The following SHROOM3 variants were observed in gnomAD, a reference collection of about 807,000 sequenced individuals.
The protein encoded by SHROOM3 is shroom family member 3.
SHROOM3 carries 47 observed loss-of-function variants against 138.6 expected under a neutral mutation model. The observed-to-expected ratio is 0.34, with a 90% CI of 0.27 to 0.43. The LOEUF (loss-of-function observed/expected upper bound fraction) is 0.43. Among genes scored for constraint, SHROOM3 ranks in the 20% least tolerant of loss-of-function variants. The pLI is 1.00. For missense variants in SHROOM3, 2,491 were observed against 2,596.5 expected (o/e 0.96, Z 0.88); for synonymous variants, 1,062 against 1,063.3 (o/e 1.00, Z 0.02).
chr4:76,480,657 C>A (rs778921747), intron 1 of SHROOM3, among the ~76,000 whole-genome samples: 10 of 152,172 alleles, frequency 6.6e-5, no homozygotes, highest in Admixed American at 2.0e-4. Context: ...ACAGAACTCT[C>A]CATCCCAAAT....
At chr4:76,610,168 A>C (rs1419962358) in intron 2 of SHROOM3, among the ~76,000 whole-genome samples, 1 of 152,244 alleles carries the variant, frequency 6.6e-6, no homozygotes, top group Admixed American at 6.5e-5. Context: ...TGTAAAACTA[A>C]AAGAGAAGAT....
intron 1 of SHROOM3, among the ~76,000 whole-genome samples, chr4:76,531,618 A>C (rs77326500): frequency 3.8e-4 from 58 of 152,308 alleles, no homozygotes; most frequent in Non-Finnish European, 7.3e-4. Context: ...TGGGGTTGCT[A>C]TAAGGAATAA....
At chr4:76,730,688 C>T in intron 3 of SHROOM3, 116 bp from the exon 4 acceptor site, 3 of 1,378,612 alleles carry the variant, frequency 2.2e-6, no homozygotes, top group South Asian at 2.4e-5. Flanking sequence ...GACTTGGTTG[C>T]TTTTCAATCT....
intron 1 of SHROOM3, among the ~76,000 whole-genome samples, chr4:76,469,009 G>T (rs1731308355): frequency 6.6e-6 from 1 of 151,040 alleles, no homozygotes; most frequent in Non-Finnish European, 1.5e-5. Context: ...ACTCCAGCCT[G>T]GGTGACAGAG....
intron 2 of SHROOM3, among the ~76,000 whole-genome samples, chr4:76,630,473 C>G (rs998000396): frequency 3.3e-5 from 5 of 151,870 alleles, no homozygotes; most frequent in Non-Finnish European, 7.3e-5. Context: ...GCATCCTGTA[C>G]AGTAAAAAGC....
chr4:76,723,869 A>C (rs1019152654), intron 3 of SHROOM3, among the ~76,000 whole-genome samples: 1 of 152,220 alleles, frequency 6.6e-6, no homozygotes, highest in African/African-American at 2.4e-5. Flanking sequence ...TTTTGAGTGA[A>C]TGAATGATGC....
intron 2 of SHROOM3, among the ~76,000 whole-genome samples, chr4:76,707,650 G>A (rs1720096101): frequency 1.3e-5 from 2 of 152,014 alleles, no homozygotes; most frequent in Non-Finnish European, 2.9e-5. Flanking sequence ...GTACAGGTAA[G>A]GTATTCAATG....
chr4:76,596,428 A>G (rs1734385799), intron 2 of SHROOM3, among the ~76,000 whole-genome samples: 1 of 152,128 alleles, frequency 6.6e-6, no homozygotes, highest in Admixed American at 6.5e-5. Context: ...GAAAAGCAAA[A>G]GATGTTGTGT....
At chr4:76,614,945 C>T (rs1734841864) in intron 2 of SHROOM3, among the ~76,000 whole-genome samples, 1 of 152,126 alleles carries the variant, frequency 6.6e-6, no homozygotes, top group Non-Finnish European at 1.5e-5. Flanking sequence ...TACAATAGGC[C>T]TTTGCCAATC....
At chr4:76,742,948 G>A (rs1721310590) in intron 5 of SHROOM3, among the ~76,000 whole-genome samples, 1 of 151,694 alleles carries the variant, frequency 6.6e-6, no homozygotes, top group Non-Finnish European at 1.5e-5. Flanking sequence ...AGCATCAAAG[G>A]ATACACAAAA....
chr4:76,563,525 TATTTGC>T (rs1733640668), intron 2 of SHROOM3, among the ~76,000 whole-genome samples: 1 of 152,176 alleles, frequency 6.6e-6, no homozygotes, highest in African/African-American at 2.4e-5. Flanking sequence ...TACGCAAGTG[TATTTGC>T]ACCATCTGGT....
intron 2 of SHROOM3, among the ~76,000 whole-genome samples, chr4:76,670,484 C>A (rs989561257): frequency 8.6e-5 from 13 of 151,952 alleles, no homozygotes; most frequent in African/African-American, 3.1e-4. Context: ...ATGAAAATGT[C>A]CTAAACCTGG....
intron 2 of SHROOM3, among the ~76,000 whole-genome samples, chr4:76,584,242 C>T (rs557067073): frequency 3.9e-5 from 6 of 151,916 alleles, no homozygotes; most frequent in South Asian, 4.2e-4. Context: ...CTCTTGTATC[C>T]GGGAGGCAGA....
At chr4:76,490,546 C>A (rs1731828065) in intron 1 of SHROOM3, among the ~76,000 whole-genome samples, 1 of 152,110 alleles carries the variant, frequency 6.6e-6, no homozygotes, top group Non-Finnish European at 1.5e-5. Flanking sequence ...TGAGCCACCG[C>A]ACCCGGCTGC....
chr4:76,716,113 G>C (rs1010727851), intron 3 of SHROOM3: 13 of 279,448 alleles, frequency 4.7e-5, no homozygotes, highest in African/African-American at 2.9e-4. Flanking sequence ...CTCTTCTCAG[G>C]GAGTCATTAA....
At chr4:76,634,917 C>G (rs962023012) in intron 2 of SHROOM3, among the ~76,000 whole-genome samples, 3 of 152,124 alleles carry the variant, frequency 2.0e-5, no homozygotes, top group Non-Finnish European at 4.4e-5. Context: ...TGTGACAATT[C>G]CACACCCTTT....
chr4:76,439,828 A>G (rs1474318185), intron 1 of SHROOM3, among the ~76,000 whole-genome samples: 1 of 152,254 alleles, frequency 6.6e-6, no homozygotes, highest in African/African-American at 2.4e-5. Flanking sequence ...TAAAGGATCT[A>G]CAAAGGGTAA....
intron 9 of SHROOM3, among the ~76,000 whole-genome samples, chr4:76,766,527 T>C (rs941821763): frequency 1.3e-5 from 2 of 152,212 alleles, no homozygotes; most frequent in African/African-American, 4.8e-5. Context: ...TTATGCCAGA[T>C]GAGAAGTGGA....
intron 2 of SHROOM3, among the ~76,000 whole-genome samples, chr4:76,649,389 A>G (rs1735904995): frequency 2.0e-5 from 3 of 152,208 alleles, no homozygotes; most frequent in Non-Finnish European, 4.4e-5. Context: ...CCCCAAATCA[A>G]AGAGCTGCTT....
Sources: gnomAD v4.1 joint callset for allele counts (sites outside exome capture counted in the v4.1 genomes callset) on GRCh38, gnomAD v4.1.1 for gene constraint, MANE v1.5 for transcripts, NCBI Gene and HGNC (gene_info 2026-07-23, HGNC 2026-07-21) for gene names.